The following PCDH11X variants were observed in gnomAD, a reference collection of about 807,000 sequenced individuals.
The protein encoded by PCDH11X is protocadherin-11 X-linked.
In PCDH11X, 18 loss-of-function variants were observed where a neutral mutation model predicts 53.3. The observed-to-expected ratio is 0.34, with a 90% CI of 0.23 to 0.50. The LOEUF is 0.50. PCDH11X is among the 20% of genes least tolerant of loss of function. The probability of loss-of-function intolerance (pLI) is 0.98; values close to 1 mark genes in which losing one functional copy is unlikely to be tolerated. For synonymous variants in PCDH11X, 279 were observed against 393.3 expected, an observed-to-expected ratio of 0.71 and a Z score of 3.44; for missense variants, 570 against 1,032.4, an observed-to-expected ratio of 0.55 and a Z score of 6.14.
chrX:92,360,218 A>G (rs2070311803), intron 8 of PCDH11X, among the ~76,000 whole-genome samples: 1 of 111,419 alleles, frequency 9.0e-6, no homozygotes. Context: ...CACATTGTAT[A>G]CAGTACTTTA....
intron 10 of PCDH11X, among the ~76,000 whole-genome samples, chrX:92,564,812 A>G (rs1383919142): frequency 9.0e-6 from 1 of 111,282 alleles, no homozygotes; most frequent in Non-Finnish European, 1.9e-5. Context: ...CAAAGGATAC[A>G]ATAAACAAAG....
At chrX:92,501,555 G>A (rs1268710812) in intron 10 of PCDH11X, among the ~76,000 whole-genome samples, 1 of 111,767 alleles carries the variant, frequency 8.9e-6, no homozygotes, top group Non-Finnish European at 1.9e-5. Flanking sequence ...TCATCCCTGG[G>A]ATTCAAGGCT....
Position 92,385,227 on chromosome X carries a change from A to G in PCDH11X, c.3145-2508A>G, listed in dbSNP as rs555187202. ...TATCTTTAGTACTAATAAATAATAG[A>G]TGACTGACAGGCTAGGTAATCCATG... is the stretch of plus-strand genomic sequence containing the variant. On this transcript the variant is annotated intron_variant, in intron 8 of 10. Transcript: ENST00000682573. 1.2e-4 allele frequency among the ~76,000 whole-genome samples: 12 copies of G among 99,880 alleles called. No individual in the cohort carries two copies. In the South Asian group the frequency reaches 5.2e-3, roughly 43 times the overall value. The allele number at this position is 99,880 out of a possible 115,157, so 86.7% of individuals were successfully genotyped here.
chrX:92,476,145 G>A (rs1336956021), intron 10 of PCDH11X, among the ~76,000 whole-genome samples: 3 of 108,505 alleles, frequency 2.8e-5, no homozygotes, highest in African/African-American at 6.6e-5. Context: ...ATAAAGGAGA[G>A]TTCCCCTACA....
chrX:92,449,492 C>A (rs1378353263), intron 9 of PCDH11X, among the ~76,000 whole-genome samples: 1 of 111,230 alleles, frequency 9.0e-6, no homozygotes, highest in African/African-American at 3.3e-5. Flanking sequence ...TGTAAAAATT[C>A]TTTTAAAGTT....
At chrX:92,024,814 C>T (rs1250485551) in intron 6 of PCDH11X, among the ~76,000 whole-genome samples, 3 of 106,703 alleles carry the variant, frequency 2.8e-5, no homozygotes, top group Admixed American at 1.0e-4. Flanking sequence ...AGCAAAACTT[C>T]GTGGTACTGA....
At chrX:92,162,402 G>C (rs1434409117) in intron 6 of PCDH11X, among the ~76,000 whole-genome samples, 5 of 110,150 alleles carry the variant, frequency 4.5e-5, no homozygotes, top group Non-Finnish European at 9.5e-5. Flanking sequence ...ATATTGGCTA[G>C]GCTGGTCTTG....
intron 8 of PCDH11X, among the ~76,000 whole-genome samples, chrX:92,312,367 T>G (rs1050963867): frequency 1.8e-5 from 2 of 110,712 alleles, no homozygotes; most frequent in African/African-American, 3.3e-5. Context: ...TGAAAAAAAT[T>G]TATTAGCATA....
intron 10 of PCDH11X, among the ~76,000 whole-genome samples, chrX:92,494,455 A>T (rs6619051): frequency 0.16 from 17,022 of 107,374 alleles, 1,225 homozygotes; most frequent in East Asian, 0.48. Context: ...TTATTCTATG[A>T]AAAATGAAGT....
At chrX:91,962,563 T>A (rs376026280) in intron 6 of PCDH11X, among the ~76,000 whole-genome samples, 120 of 111,472 alleles carry the variant, frequency 1.1e-3, no homozygotes, top group African/African-American at 3.7e-3. Flanking sequence ...TCCAGGTGCA[T>A]GATGCAAGCT....
At chrX:91,924,535 C>T (rs1020222938) in intron 6 of PCDH11X, among the ~76,000 whole-genome samples, 2 of 111,826 alleles carry the variant, frequency 1.8e-5, no homozygotes, top group African/African-American at 3.2e-5. Context: ...AAGTAATACA[C>T]GCACACACAC....
At chrX:92,096,355 G>A (rs2064133194) in intron 6 of PCDH11X, among the ~76,000 whole-genome samples, 1 of 109,594 alleles carries the variant, frequency 9.1e-6, no homozygotes, top group African/African-American at 3.3e-5. Context: ...ATCTTCACTT[G>A]CTCTCAGGGG....
At chrX:92,213,865 G>A (rs891480764) in intron 7 of PCDH11X, among the ~76,000 whole-genome samples, 6 of 103,933 alleles carry the variant, frequency 5.8e-5, no homozygotes, top group African/African-American at 2.0e-4. Flanking sequence ...TAAATCAAAT[G>A]AATAAAATAT....
intron 4 of PCDH11X, among the ~76,000 whole-genome samples, chrX:91,819,514 A>G (rs1936566073): frequency 9.1e-6 from 1 of 109,897 alleles, no homozygotes; most frequent in South Asian, 3.9e-4. Flanking sequence ...ACTCCAAGTT[A>G]TTATAAATCA....
chrX:92,600,053 A>T (rs1926063696), intron 10 of PCDH11X, among the ~76,000 whole-genome samples: 1 of 108,383 alleles, frequency 9.2e-6, no homozygotes, highest in Non-Finnish European at 1.9e-5. Context: ...TCTTAAATGC[A>T]TTCAGTTTTA....
intron 6 of PCDH11X, among the ~76,000 whole-genome samples, chrX:91,970,384 C>T (rs1439082923): frequency 9.0e-6 from 1 of 111,227 alleles, no homozygotes; most frequent in Admixed American, 9.6e-5. Flanking sequence ...GCTGATTGGT[C>T]CATTTTGACA....
intron 6 of PCDH11X, among the ~76,000 whole-genome samples, chrX:91,913,672 C>T (rs768082453): frequency 9.0e-6 from 1 of 111,384 alleles, no homozygotes; most frequent in South Asian, 3.8e-4. Context: ...CTTTATGGCC[C>T]CACCCAACAC....
intron 7 of PCDH11X, among the ~76,000 whole-genome samples, chrX:92,250,920 A>G (rs2067448873): frequency 9.1e-6 from 1 of 110,099 alleles, no homozygotes; most frequent in Admixed American, 9.8e-5. Context: ...AAAATTGGCC[A>G]TGGCGATTGT....
At chrX:91,946,590 T>TAC (rs1569270580) in intron 6 of PCDH11X, among the ~76,000 whole-genome samples, 1 of 90,287 alleles carries the variant, frequency 1.1e-5, no homozygotes, top group Non-Finnish European at 2.2e-5. Flanking sequence ...TATATATATA[T>TAC]ATATATATAG....
Sources: gnomAD v4.1 joint callset for allele counts (sites outside exome capture counted in the v4.1 genomes callset) on GRCh38, gnomAD v4.1.1 for gene constraint, MANE v1.5 for transcripts, NCBI Gene and HGNC (gene_info 2026-07-23, HGNC 2026-07-21) for gene names.